The following SLC33A1 variants were observed in gnomAD, a reference collection of about 807,000 sequenced individuals.
The protein encoded by SLC33A1 is solute carrier family 33 member 1.
Under a neutral mutation model 50.0 loss-of-function variants are expected in SLC33A1, and 20 were observed. The ratio of observed to expected loss-of-function variants is 0.40; its 90% CI spans 0.28 to 0.58. The LOEUF is 0.58. Among genes scored for constraint, SLC33A1 ranks in the 20% least tolerant of loss-of-function variants. The probability of loss-of-function intolerance (pLI) is 0.44; values close to 1 mark genes in which losing one functional copy is unlikely to be tolerated. For synonymous variants in SLC33A1, 265 were observed against 251.8 expected, an observed-to-expected ratio of 1.05 and a Z score of -0.50; for missense variants, 476 against 657.0, an observed-to-expected ratio of 0.72 and a Z score of 3.01.
At chr3:155,845,609 G>A (rs1007821753) in intron 1 of SLC33A1, among the ~76,000 whole-genome samples, 2 of 152,194 alleles carry the variant, frequency 1.3e-5, no homozygotes, top group African/African-American at 4.8e-5. Context: ...CGCACATGCA[G>A]AAGAATGAAA....
chr3:155,839,581 T>C (rs892119243), intron 2 of SLC33A1, among the ~76,000 whole-genome samples: 13 of 152,100 alleles, frequency 8.5e-5, no homozygotes, highest in African/African-American at 3.1e-4. Context: ...AAATATGTAA[T>C]GCTATAGAAA....
At chr3:155,841,092 C>T (rs962462069) in intron 2 of SLC33A1, among the ~76,000 whole-genome samples, 3 of 151,582 alleles carry the variant, frequency 2.0e-5, no homozygotes, top group Non-Finnish European at 4.4e-5. Context: ...AAAGACAGAC[C>T]CCTGGCTCTG....
intron 1 of SLC33A1, among the ~76,000 whole-genome samples, chr3:155,848,483 C>G (rs1162284343): frequency 3.9e-5 from 6 of 152,120 alleles, no homozygotes. Context: ...GGGATTGAGA[C>G]CATCCTGGCT....
chr3:155,828,688 C>G (rs1295299616), intron 5 of SLC33A1, among the ~76,000 whole-genome samples: 1 of 152,056 alleles, frequency 6.6e-6, no homozygotes, highest in Non-Finnish European at 1.5e-5. Context: ...CTCCTGGGCT[C>G]AAGCAATCCT....
intron 1 of SLC33A1, among the ~76,000 whole-genome samples, chr3:155,846,405 T>G (rs1032255442): frequency 1.3e-5 from 2 of 152,132 alleles, no homozygotes; most frequent in Admixed American, 6.5e-5. Context: ...AAGGTTCATA[T>G]TTTAGCTCCA....
intron 2 of SLC33A1, among the ~76,000 whole-genome samples, chr3:155,836,273 ACT>A (rs1391302984): frequency 9.4e-6 from 1 of 106,036 alleles, no homozygotes; most frequent in Non-Finnish European, 1.8e-5. Flanking sequence ...ACAGAGTGAG[ACT>A]CTGTCAAAAA....
intron 1 of SLC33A1, among the ~76,000 whole-genome samples, chr3:155,848,841 C>T (rs1753283916): frequency 6.6e-6 from 1 of 152,124 alleles, no homozygotes; most frequent in Non-Finnish European, 1.5e-5. Context: ...ATCTATCTAC[C>T]CAATATATTC....
chr3:155,825,568 T>C lies in SLC33A1; in HGVS notation c.*2642A>G, dbSNP rs1752179938. Reference sequence around the variant, plus strand: ...ATGTCTCTAAAAAATAATAATAAAATAAAATAAAGTATTTACAATGGAAGG... The same window carrying C: ...ATGTCTCTAAAAAATAATAATAAAACAAAATAAAGTATTTACAATGGAAGG... On this transcript the variant is annotated 3_prime_UTR_variant, in exon 6 of 6. Transcript: ENST00000643144. 6.6e-6 allele frequency: 1 copy of C among 152,032 alleles called. No individual in the cohort carries two copies. The highest frequency in any genetic ancestry group is 1.9e-4 in the East Asian group (1 of 5,200). The allele number at this position is 152,032 out of a possible 1,614,324, so 9.4% of individuals were successfully genotyped here. A position where few individuals can be genotyped will look rare whatever the true frequency, so the allele number is the denominator to read the frequency against.
chr3:155,842,974 A>T, intron 1 of SLC33A1: 2 of 150,162 alleles, frequency 1.3e-5, no homozygotes, highest in Admixed American at 6.9e-5. Flanking sequence ...GCACTCTGGC[A>T]TGGCCAATAG....
chr3:155,833,700 A>G (rs1752541212), intron 3 of SLC33A1, 115 bp from the exon 4 acceptor site: 7 of 929,972 alleles, frequency 7.5e-6, no homozygotes, highest in Non-Finnish European at 1.2e-5. Flanking sequence ...ACCTGTTAGG[A>G]GGTTAAAAAG....
chr3:155,846,535 C>T (rs975174987), intron 1 of SLC33A1, among the ~76,000 whole-genome samples: 1 of 151,236 alleles, frequency 6.6e-6, no homozygotes, highest in African/African-American at 2.4e-5. Context: ...CTCACCGCAA[C>T]CTCCACCTCC....
chr3:155,841,122 G>C (rs1234363982), intron 2 of SLC33A1, among the ~76,000 whole-genome samples: 1 of 151,732 alleles, frequency 6.6e-6, no homozygotes, highest in Non-Finnish European at 1.5e-5. Flanking sequence ...CTGGAGTGCA[G>C]AGGCATAGCC....
At chr3:155,833,620 T>A in intron 3 of SLC33A1, 35 bp from the exon 4 acceptor site, 1 of 1,248,336 alleles carries the variant, frequency 8.0e-7, no homozygotes, top group African/African-American at 1.5e-5. Flanking sequence ...GACTTCCATT[T>A]TAGCTTAAAT....
intron 2 of SLC33A1, among the ~76,000 whole-genome samples, chr3:155,838,131 C>G (rs1206242885): frequency 6.6e-6 from 1 of 151,888 alleles, no homozygotes; most frequent in African/African-American, 2.4e-5. Flanking sequence ...TGGAGAAACC[C>G]TGTCCCTACT....
chr3:155,851,717 C>T (rs1291035553), intron 1 of SLC33A1, among the ~76,000 whole-genome samples: 1 of 152,096 alleles, frequency 6.6e-6, no homozygotes, highest in Admixed American at 6.6e-5. Context: ...TGTGCCCGGC[C>T]AGCAGTGAAT....
rs763977408 is a variant in SLC33A1 at position 155,853,931 on chromosome 3, G to A, written c.67C>T (p.Leu23=). 6.5e-7 allele frequency: 1 copy of A among 1,539,072 alleles called. No homozygotes were observed. The highest frequency in any genetic ancestry group is 2.3e-5 in the East Asian group (1 of 44,398). ...GGCAGGGGACCGCTCTTCATATCCA[G>A]AGAGTGACTGAAATTCCCTGGCCGC... The part of the protein sequence containing the change: ...QRRPGNFSHS[L]DMKSGPLPPG... The change falls in exon 1 of 6, where the codon CTG becomes TTG. Residue 23 remains leucine, a synonymous_variant. Coordinates refer to ENST00000643144, the MANE Select transcript of SLC33A1 (RefSeq NM_004733.4).
At chr3:155,840,907 C>T (rs373588724) in intron 2 of SLC33A1, among the ~76,000 whole-genome samples, 126 of 152,234 alleles carry the variant, frequency 8.3e-4, no homozygotes, top group African/African-American at 2.8e-3. Flanking sequence ...ATCGCTTGAA[C>T]CCAGGAGGCA....
chr3:155,846,669 T>G (rs1753189643), intron 1 of SLC33A1, among the ~76,000 whole-genome samples: 1 of 151,654 alleles, frequency 6.6e-6, no homozygotes, highest in South Asian at 2.1e-4. Context: ...GTCAGGCTGG[T>G]CTTGAACTCC....
At chr3:155,850,618 ATTC>A in intron 1 of SLC33A1, among the ~76,000 whole-genome samples, 1 of 151,284 alleles carries the variant, frequency 6.6e-6, no homozygotes, top group Middle Eastern at 3.4e-3. Flanking sequence ...ACACTGACTT[ATTC>A]TTTTTTTTTT....
Sources: gnomAD v4.1 joint callset for allele counts (sites outside exome capture counted in the v4.1 genomes callset) on GRCh38, gnomAD v4.1.1 for gene constraint, MANE v1.5 for transcripts, NCBI Gene and HGNC (gene_info 2026-07-23, HGNC 2026-07-21) for gene names.